The following PCYT1B variants were observed in gnomAD, a reference collection of about 807,000 sequenced individuals.
The protein encoded by PCYT1B is phosphate cytidylyltransferase 1B, choline, also known as choline-phosphate cytidylyltransferase B.
Under a neutral mutation model 26.4 loss-of-function variants are expected in PCYT1B, and 10 were observed. That is an observed-to-expected ratio of 0.38 (90% confidence interval 0.23 to 0.64). PCYT1B has a LOEUF of 0.64. Ranked by LOEUF, PCYT1B falls within the 30% of genes least tolerant of loss-of-function variation. The pLI is 0.56. For synonymous variants in PCYT1B, 131 were observed against 108.4 expected, an observed-to-expected ratio of 1.21 and a Z score of -1.29; for missense variants, 161 against 292.7, an observed-to-expected ratio of 0.55 and a Z score of 3.28.
At chrX:24,670,101 AAAGAAAGAAAGAAAGG>A (rs1412872917) in intron 1 of PCYT1B, among the ~76,000 whole-genome samples, 59 of 40,636 alleles carry the variant, frequency 1.5e-3, no homozygotes, top group African/African-American at 4.7e-3. Context: ...AGAAAGAAAG[AAAGAAAGAAAGAAAGG>A]AAGGAAGGAA....
Position 24,559,601 on chromosome X carries a change from C to T in PCYT1B, c.*2692G>A, listed in dbSNP as rs1188205657. The T allele has an allele frequency of 8.9e-6, 1 of 111,735 alleles. No homozygotes were observed. Among genetic ancestry groups the T allele is most frequent in the East Asian group, 2.8e-4 (1 of 3,561 alleles). 9.2% of individuals were successfully genotyped at this position (111,735 alleles called of 1,213,427 possible). A position where few individuals can be genotyped will look rare whatever the true frequency, so the allele number is the denominator to read the frequency against. On this transcript the variant is annotated 3_prime_UTR_variant, in exon 8 of 8. Transcript: ENST00000379144. ...TCCTAAGTTGCTATCCTCCAGCCCTCATTCTGAAGCTTCCTTTCCTCACTA... is the reference window on the plus strand; with the variant it reads ...TCCTAAGTTGCTATCCTCCAGCCCTTATTCTGAAGCTTCCTTTCCTCACTA...
intron 5 of PCYT1B, among the ~76,000 whole-genome samples, chrX:24,582,492 C>T (rs1379753760): frequency 8.9e-6 from 1 of 112,181 alleles, no homozygotes; most frequent in Non-Finnish European, 1.9e-5. Context: ...CGGTAATGAG[C>T]ATGATCAGAG....
At chrX:24,624,244 C>T (rs1327657605) in intron 1 of PCYT1B, among the ~76,000 whole-genome samples, 1 of 111,835 alleles carries the variant, frequency 8.9e-6, no homozygotes, top group African/African-American at 3.2e-5. Context: ...GCTGGGATTA[C>T]AGGCATGAGC....
At chrX:24,576,382 C>A (rs1030281186) in intron 6 of PCYT1B, among the ~76,000 whole-genome samples, 1 of 111,708 alleles carries the variant, frequency 9.0e-6, no homozygotes, top group African/African-American at 3.3e-5. Flanking sequence ...CAGCTCACTG[C>A]AACCTCTGCC....
chrX:24,636,207 T>A (rs1926264669), intron 1 of PCYT1B, among the ~76,000 whole-genome samples: 1 of 112,466 alleles, frequency 8.9e-6, no homozygotes, highest in Non-Finnish European at 1.9e-5. Context: ...GTTTATTAGA[T>A]CACCAGAATT....
intron 1 of PCYT1B, among the ~76,000 whole-genome samples, chrX:24,654,333 T>C (rs1926854574): frequency 9.6e-6 from 1 of 104,320 alleles, no homozygotes; most frequent in Admixed American, 1.0e-4. Flanking sequence ...GGTCTCGAAC[T>C]CCTGACCTTG....
chrX:24,564,593 C>T (rs762154199), intron 7 of PCYT1B, among the ~76,000 whole-genome samples: 1 of 110,557 alleles, frequency 9.0e-6, no homozygotes, highest in East Asian at 2.9e-4. Flanking sequence ...ACCTCGTGAT[C>T]CGCCCACTTT....
intron 7 of PCYT1B, among the ~76,000 whole-genome samples, chrX:24,569,084 G>C (rs1486457547): frequency 9.0e-6 from 1 of 111,102 alleles, no homozygotes; most frequent in Non-Finnish European, 1.9e-5. Flanking sequence ...GGGTGACAGA[G>C]CAAGACTCTG....
At chrX:24,625,431 A>C (rs952123968) in intron 1 of PCYT1B, among the ~76,000 whole-genome samples, 1 of 110,840 alleles carries the variant, frequency 9.0e-6, no homozygotes. Context: ...ACACACACGA[A>C]TCACTGGATT....
At chrX:24,636,465 T>G (rs752338918) in intron 1 of PCYT1B, among the ~76,000 whole-genome samples, 77 of 111,461 alleles carry the variant, frequency 6.9e-4, no homozygotes, top group Admixed American at 2.0e-3. Flanking sequence ...ATACAAAAAT[T>G]AGCTGGGTGT....
At chrX:24,641,882 T>C (rs1380431847) in intron 1 of PCYT1B, among the ~76,000 whole-genome samples, 1 of 111,924 alleles carries the variant, frequency 8.9e-6, no homozygotes, top group Non-Finnish European at 1.9e-5. Context: ...TGACCCACAA[T>C]GGGGGCTTAA....
At chrX:24,583,186 G>T (rs932254785) in intron 5 of PCYT1B, among the ~76,000 whole-genome samples, 2 of 112,082 alleles carry the variant, frequency 1.8e-5, no homozygotes, top group Admixed American at 1.9e-4. Context: ...AAGAAGCCTT[G>T]TGGCTTCTGT....
chrX:24,627,785 A>C (rs766417654), intron 1 of PCYT1B, among the ~76,000 whole-genome samples: 1 of 111,805 alleles, frequency 8.9e-6, no homozygotes, highest in East Asian at 2.8e-4. Context: ...GGAGGTGGTA[A>C]GAAGTGGTCA....
rs1446688260 is a variant in PCYT1B, at chrX:24,561,331, G to T, written c.*962C>A. On this transcript the variant is annotated 3_prime_UTR_variant, in exon 8 of 8. Coordinates refer to ENST00000379144, the MANE Select transcript of PCYT1B (RefSeq NM_004845.5). The stretch of plus-strand genomic sequence containing the variant: ...TGGAGCATATATAGAACAGATACGT[G>T]CAGGTAGCACCCCCTATTGGTATAC... 1 of 111,813 alleles carries T rather than the reference G, an allele frequency of 8.9e-6. No homozygotes were observed. Among genetic ancestry groups the T allele is most frequent in the Non-Finnish European group, 1.9e-5 (1 of 53,170 alleles). 9.2% of individuals were successfully genotyped at this position (111,813 alleles called of 1,213,427 possible).
At chrX:24,593,745 T>C (rs1924686605) in intron 3 of PCYT1B, among the ~76,000 whole-genome samples, 1 of 110,082 alleles carries the variant, frequency 9.1e-6, no homozygotes, top group Admixed American at 9.9e-5. Flanking sequence ...CAGGCTGGTC[T>C]CAAAGTCCTG....
chrX:24,627,728 A>C (rs1925926899), intron 1 of PCYT1B, among the ~76,000 whole-genome samples: 1 of 112,234 alleles, frequency 8.9e-6, no homozygotes, highest in Admixed American at 9.5e-5. Flanking sequence ...GTCTGGTGTA[A>C]TAATCAGGCA....
At chrX:24,644,913 T>C (rs1228501341) in intron 1 of PCYT1B, among the ~76,000 whole-genome samples, 1 of 110,914 alleles carries the variant, frequency 9.0e-6, no homozygotes, top group Non-Finnish European at 1.9e-5. Flanking sequence ...TACAAAAAAA[T>C]ATTAGCCAGG....
chrX:24,611,827 G>A (rs751771307), intron 2 of PCYT1B, among the ~76,000 whole-genome samples: 2 of 110,414 alleles, frequency 1.8e-5, no homozygotes, highest in Admixed American at 1.9e-4. Context: ...CAAAAAATTA[G>A]CCTGGCGTGG....
rs902830255 is a variant in PCYT1B at position 24,560,793 on chromosome X, T to G, written c.*1500A>C. ...TGCCTACAAGTTGCTGGTTTGGGCC[T>G]CTATTCAGTCAGACCCCAGCTCTGT... On this transcript the variant is annotated 3_prime_UTR_variant, in exon 8 of 8. Coordinates refer to ENST00000379144, the MANE Select transcript of PCYT1B (RefSeq NM_004845.5). The G allele has an allele frequency of 1.8e-5, 2 of 112,164 alleles. No individual in the cohort carries two copies. The highest frequency in any genetic ancestry group is 3.8e-5 in the Non-Finnish European group (2 of 53,208). The allele number at this position is 112,164 out of a possible 1,213,427, so 9.2% of individuals were successfully genotyped here.
Sources: gnomAD v4.1 joint callset for allele counts (sites outside exome capture counted in the v4.1 genomes callset) on GRCh38, gnomAD v4.1.1 for gene constraint, MANE v1.5 for transcripts, NCBI Gene and HGNC (gene_info 2026-07-23, HGNC 2026-07-21) for gene names.